Variants in OR7A10 observed in about 807,000 individuals in gnomAD.
The protein encoded by OR7A10 is olfactory receptor family 7 subfamily A member 10, also known as olfactory receptor 7A10.
For missense variants in OR7A10, 358 were observed against 370.1 expected (o/e 0.97, Z 0.27); for synonymous variants, 144 against 144.5 (o/e 1.00, Z 0.02).
At chr19:14,843,869 A>G (rs1427312740) in intron 1 of OR7A10, among the ~76,000 whole-genome samples, 1 of 152,176 alleles carries the variant, frequency 6.6e-6, no homozygotes, top group African/African-American at 2.4e-5. Context: ...CAATGAGAAC[A>G]CATGGACACA....
intron 1 of OR7A10, among the ~76,000 whole-genome samples, chr19:14,845,928 A>G (rs750299424): frequency 6.6e-6 from 1 of 152,108 alleles, no homozygotes; most frequent in Non-Finnish European, 1.5e-5. Flanking sequence ...GGCCGAAGCG[A>G]GCGGATCAGG....
intron 1 of OR7A10, among the ~76,000 whole-genome samples, chr19:14,845,072 C>A (rs368175871): frequency 0.023 from 2,980 of 131,896 alleles, 92 homozygotes; most frequent in African/African-American, 0.091. Context: ...CACACACAAA[C>A]ACACACACAC....
rs1471593748 is a variant in OR7A10 at position 14,841,397 on chromosome 19, A to G, written c.481T>C (p.Leu161=). Residue 161 remains leucine (L), a synonymous_variant, in exon 2 of 2, where the codon TTA becomes CTA. Transcript: ENST00000641129. ...MSVLNSMLQS[L]MVLPLPFCTH... Reference sequence around the variant, plus strand: ...CAAAAGGGCAGTGGCAACACCATTAAGCTTTGTAACATGGAATTCAGAACA... The same window carrying G: ...CAAAAGGGCAGTGGCAACACCATTAGGCTTTGTAACATGGAATTCAGAACA... The G allele has an allele frequency of 2.2e-5, 36 of 1,614,176 alleles. No individual in the cohort carries two copies. The highest frequency in any genetic ancestry group is 3.0e-5 in the Non-Finnish European group (35 of 1,180,026).
rs193247044 is a variant in OR7A10, at chr19:14,841,858, G to A, written c.20C>T (p.Thr7Ile). The A allele has an allele frequency of 6.2e-7, 1 of 1,604,866 alleles. No homozygotes were observed. Among genetic ancestry groups the A allele is most frequent in the Non-Finnish European group, 8.5e-7 (1 of 1,173,324 alleles). The change falls in exon 2 of 2, where the codon ACA (threonine) becomes ATA (isoleucine). Residue 7 changes from threonine to isoleucine, a missense_variant. Thr to Ile is a moderately conservative substitution (Grantham distance 89). Coordinates refer to ENST00000641129, the MANE Select transcript of OR7A10 (RefSeq NM_001005190.2). MKSWNN[T>I]IILEFLLLGI... ...CAGGAGAAGAAATTCTAAAATTATT[G>A]TATTGTTCCATGATTTCATCTTGTG...
Position 14,841,355 on chromosome 19 carries a change from G to A in OR7A10, c.523C>T (p.Pro175Ser), listed in dbSNP as rs919945729. The change falls in exon 2 of 2, where the codon CCT becomes TCT. Residue 175 changes from proline to serine, a missense_variant. By Grantham distance (74) the Pro-to-Ser change is moderately conservative. Transcript: ENST00000641129. ...TGATTAATTTCACAGAAAAAATGAG[G>A]GATTTCCATGTGTGTACAAAAGGGC... is the stretch of plus-strand genomic sequence containing the variant. The part of the protein sequence containing the change: ...PLPFCTHMEI[P>S]HFFCEINQVV... 1 of 1,614,026 alleles carries A rather than the reference G, an allele frequency of 6.2e-7. No individual in the cohort carries two copies. Among genetic ancestry groups the A allele is most frequent in the South Asian group, 1.1e-5 (1 of 91,064 alleles).
rs1225748699 is a variant in OR7A10 at position 14,841,228 on chromosome 19, G to A, written c.650C>T (p.Ser217Phe). The A allele has an allele frequency of 1.9e-6, 3 of 1,614,188 alleles. No individual in the cohort carries two copies. The highest frequency in any genetic ancestry group is 2.5e-6 in the Non-Finnish European group (3 of 1,180,040). ...GGGPLTGILY[S>F]YSKIVSSIRA... is the part of the protein sequence containing the mutation. The stretch of plus-strand genomic sequence containing the variant: ...TATGGAGGAAACTATCTTAGAGTAA[G>A]AGTACAGGATCCCAGTGAGGGGACC... Residue 217 changes from serine (S) to phenylalanine (F), a missense_variant, in exon 2 of 2, where the codon TCT becomes TTT. Physicochemically the swap from Ser to Phe is radical, Grantham distance 155. Coordinates refer to ENST00000641129, the MANE Select transcript of OR7A10 (RefSeq NM_001005190.2).
In OR7A10 at chr19:14,840,874, A is replaced by G; in HGVS notation, c.*74T>C. Reference sequence around the variant, plus strand: ...GGGCAAGTCTTCCTTCCACCATCTTATTAACAAATCACCATTTCTGGCTCT... The same window carrying G: ...GGGCAAGTCTTCCTTCCACCATCTTGTTAACAAATCACCATTTCTGGCTCT... On this transcript the variant is annotated 3_prime_UTR_variant, in exon 2 of 2. Transcript: ENST00000641129. The G allele has an allele frequency of 3.7e-6, 4 of 1,085,952 alleles. No individual in the cohort carries two copies. Among genetic ancestry groups the G allele is most frequent in the South Asian group, 3.1e-5 (2 of 64,094 alleles). 67.3% of individuals were successfully genotyped at this position (1,085,952 alleles called of 1,614,324 possible).
chr19:14,846,365 G>A (rs2044942619), intron 1 of OR7A10, among the ~76,000 whole-genome samples: 1 of 152,106 alleles, frequency 6.6e-6, no homozygotes, highest in Non-Finnish European at 1.5e-5. Context: ...AACAAGGAAT[G>A]ACAGTTAAAA....
chr19:14,846,747 G>A (rs1239310157), intron 1 of OR7A10, among the ~76,000 whole-genome samples: 1 of 142,836 alleles, frequency 7.0e-6, no homozygotes, highest in Non-Finnish European at 1.5e-5. Flanking sequence ...TAGTGTCTAA[G>A]GTTATAATTT....
chr19:14,844,554 T>A (rs2044930861), intron 1 of OR7A10, among the ~76,000 whole-genome samples: 1 of 152,126 alleles, frequency 6.6e-6, no homozygotes, highest in Non-Finnish European at 1.5e-5. Context: ...CACAAGGAGT[T>A]CCTCGGTCCT....
At position 14,841,128 on chromosome 19, in the gene OR7A10, T is replaced by C. The variant is rs745431431; in HGVS notation, c.750A>G (p.Leu250=). ...TCASHLSVVS[L]FYGTCLGVYL... ...ACACCCCTAAGCATGTACCATAAAA[T>C]AAGGAGACAACTGAGAGGTGAGATG... The change falls in exon 2 of 2, where the codon TTA becomes TTG. Residue 250 remains leucine, a synonymous_variant. Coordinates refer to ENST00000641129, the MANE Select transcript of OR7A10 (RefSeq NM_001005190.2). The C allele has an allele frequency of 3.1e-6, 5 of 1,613,952 alleles. No individual in the cohort carries two copies. Among genetic ancestry groups the C allele is most frequent in the Non-Finnish European group, 4.2e-6 (5 of 1,179,966 alleles).
In OR7A10 at chr19:14,841,076, A is replaced by G; in HGVS notation, c.802T>C (p.Ser268Pro). 1 of 1,614,090 alleles carries G rather than the reference A, an allele frequency of 6.2e-7. No individual in the cohort carries two copies. Among genetic ancestry groups the G allele is most frequent in the South Asian group, 1.1e-5 (1 of 91,084 alleles). Residue 268 changes from serine (S) to proline (P), a missense_variant, in exon 2 of 2, where the codon TCA (serine) becomes CCA (proline). Ser to Pro is a moderately conservative substitution (Grantham distance 74). Coordinates refer to ENST00000641129, the MANE Select transcript of OR7A10 (RefSeq NM_001005190.2). Reference sequence around the variant, plus strand: ...ACTGAGGCTGCAGCACCTGTGTGTGAATTGTGGGTGGCAGCAGAACTAAGG... The same window carrying G: ...ACTGAGGCTGCAGCACCTGTGTGTGGATTGTGGGTGGCAGCAGAACTAAGG... Reference protein sequence around the residue: ...VYLSSAATHNSHTGAAASVMY... With the variant: ...VYLSSAATHNPHTGAAASVMY...
Position 14,841,143 on chromosome 19 carries a change from G to A in OR7A10, c.735C>T (p.Leu245=), listed in dbSNP as rs1175628370. 1 of 1,613,994 alleles carries A rather than the reference G, an allele frequency of 6.2e-7. No homozygotes were observed. Among genetic ancestry groups the A allele is most frequent in the Non-Finnish European group, 8.5e-7 (1 of 1,180,014 alleles). The change falls in exon 2 of 2, where the codon CTC becomes CTT. Residue 245 remains leucine (L), a synonymous_variant. Transcript: ENST00000641129. ...TACCATAAAATAAGGAGACAACTGA[G>A]AGGTGAGATGCACAGGTGGAAAATG... is the stretch of plus-strand genomic sequence containing the variant. ...YKAFSTCASH[L]SVVSLFYGTC... is the part of the protein sequence containing the mutation.
At chr19:14,845,824 A>C (rs1275834734) in intron 1 of OR7A10, among the ~76,000 whole-genome samples, 3 of 152,202 alleles carry the variant, frequency 2.0e-5, no homozygotes. Flanking sequence ...TGAAAGCCAA[A>C]TATGTCATTG....
At position 14,847,756 on chromosome 19, in the gene OR7A10, C is replaced by T. The variant is rs1197950365; in HGVS notation, c.-13+744G>A. Among the ~76,000 whole-genome samples, 12 of 151,478 alleles carry T rather than the reference C, an allele frequency of 7.9e-5. No homozygotes were observed. The South Asian group carries it at 1.5e-3, about 18-fold the overall frequency. On this transcript the variant is annotated intron_variant, in intron 1 of 1. Transcript: ENST00000641129. Reference sequence around the variant, plus strand: ...GTCTCGATCTCCCGACCTTGTGATCCGCCTACCTCGGCCTCCCAAAGTGCT... The same window carrying T: ...GTCTCGATCTCCCGACCTTGTGATCTGCCTACCTCGGCCTCCCAAAGTGCT...
chr19:14,840,852 C>G lies in OR7A10; in HGVS notation c.*96G>C. ...AACTCCAGGAAATAAATGGAAGGGG[C>G]AAGTCTTCCTTCCACCATCTTATTA... is the stretch of plus-strand genomic sequence containing the variant. On this transcript the variant is annotated 3_prime_UTR_variant, in exon 2 of 2. Transcript: ENST00000641129. 1 of 824,140 alleles carries G rather than the reference C, an allele frequency of 1.2e-6. No homozygotes were observed. The highest frequency in any genetic ancestry group is 1.7e-5 in the African/African-American group (1 of 58,402). The allele number at this position is 824,140 out of a possible 1,614,324, so 51.1% of individuals were successfully genotyped here.
intron 1 of OR7A10, among the ~76,000 whole-genome samples, chr19:14,846,609 C>T (rs1460164152): frequency 1.4e-5 from 2 of 147,930 alleles, no homozygotes; most frequent in Non-Finnish European, 3.0e-5. Context: ...ACTCGGGAGG[C>T]TGAGGCAGGA....
At chr19:14,844,270 A>G (rs2044929677) in intron 1 of OR7A10, among the ~76,000 whole-genome samples, 1 of 152,212 alleles carries the variant, frequency 6.6e-6, no homozygotes, top group South Asian at 2.1e-4. Flanking sequence ...AACATGGATG[A>G]GGTGTTAGTT....
At position 14,840,849 on chromosome 19, in the gene OR7A10, G is replaced by A. The variant is rs768428828; in HGVS notation, c.*99C>T. 3.4e-5 allele frequency: 27 copies of A among 797,106 alleles called. No homozygotes were observed. Among genetic ancestry groups the A allele is most frequent in the Non-Finnish European group, 5.4e-5 (27 of 498,060 alleles). 49.4% of individuals were successfully genotyped at this position (797,106 alleles called of 1,614,324 possible). Reference sequence around the variant, plus strand: ...TTAAACTCCAGGAAATAAATGGAAGGGGCAAGTCTTCCTTCCACCATCTTA... The same window carrying A: ...TTAAACTCCAGGAAATAAATGGAAGAGGCAAGTCTTCCTTCCACCATCTTA... On this transcript the variant is annotated 3_prime_UTR_variant, in exon 2 of 2. Transcript: ENST00000641129.
Sources: gnomAD v4.1 joint callset for allele counts (sites outside exome capture counted in the v4.1 genomes callset) on GRCh38, gnomAD v4.1.1 for gene constraint, MANE v1.5 for transcripts, NCBI Gene and HGNC (gene_info 2026-07-23, HGNC 2026-07-21) for gene names.